The following BANP variants were observed in gnomAD, a reference collection of about 807,000 sequenced individuals.
The protein encoded by BANP is BTG3 associated nuclear protein, also known as protein BANP.
In BANP, 11 loss-of-function variants were observed where a neutral mutation model predicts 68.1. The ratio of observed to expected loss-of-function variants is 0.16; its 90% CI spans 0.10 to 0.27. The LOEUF is 0.27. Ranked by LOEUF, BANP falls within the 10% of genes least tolerant of loss-of-function variation. The pLI, the probability that BANP is intolerant of heterozygous loss-of-function variation, is 1.00. For synonymous variants in BANP, 329 were observed against 303.2 expected (o/e 1.09, Z -0.88); for missense variants, 504 against 722.7 (o/e 0.70, Z 3.47).
At chr16:87,969,758 A>C (rs1484208345) in intron 1 of BANP, among the ~76,000 whole-genome samples, 1 of 151,856 alleles carries the variant, frequency 6.6e-6, no homozygotes, top group Admixed American at 6.6e-5. Context: ...GGTCTCGAAC[A>C]CCTGACCTCT....
At chr16:88,066,732 G>T (rs954958012) in intron 12 of BANP, among the ~76,000 whole-genome samples, 3 of 151,820 alleles carry the variant, frequency 2.0e-5, no homozygotes, top group African/African-American at 7.3e-5. Flanking sequence ...ATTTTGTTCA[G>T]TTTTTTTTTC....
At chr16:87,952,028 T>C (rs1217825116) in intron 1 of BANP, among the ~76,000 whole-genome samples, 1 of 48,082 alleles carries the variant, frequency 2.1e-5, no homozygotes, top group Non-Finnish European at 3.7e-5. Flanking sequence ...CAAGGGGCGC[T>C]CTCGGGGACC....
chr16:87,993,669 CT>C (rs1420894979), intron 4 of BANP, among the ~76,000 whole-genome samples: 8 of 151,396 alleles, frequency 5.3e-5, no homozygotes, highest in Non-Finnish European at 1.0e-4. Context: ...GGGGCGATCT[CT>C]TACTGTAACC....
At chr16:88,006,643 CAAA>C (rs762203875) in intron 6 of BANP, among the ~76,000 whole-genome samples, 2 of 100,210 alleles carry the variant, frequency 2.0e-5, no homozygotes. Flanking sequence ...AACTCCATCT[CAAA>C]AAAAAAAAAA....
intron 7 of BANP, among the ~76,000 whole-genome samples, chr16:88,021,078 C>T (rs1488187409): frequency 6.6e-6 from 1 of 152,204 alleles, no homozygotes; most frequent in Non-Finnish European, 1.5e-5. Flanking sequence ...GTGCTGCCAA[C>T]CTCGATGGGG....
At chr16:88,070,629 G>T (rs2090066109) in intron 12 of BANP, among the ~76,000 whole-genome samples, 1 of 152,142 alleles carries the variant, frequency 6.6e-6, no homozygotes, top group African/African-American at 2.4e-5. Flanking sequence ...GGCACACCTG[G>T]TCTCATCACA....
intron 6 of BANP, among the ~76,000 whole-genome samples, chr16:88,015,183 CTCTGCCCGTGCTCCT>C (rs201769015): frequency 7.0e-6 from 1 of 143,266 alleles, no homozygotes; most frequent in African/African-American, 2.6e-5. Context: ...TGCCTGTGCC[CTCTGCCCGTGCTCCT>C]TCTGCCCATC....
intron 11 of BANP, among the ~76,000 whole-genome samples, chr16:88,048,835 A>G (rs547307614): frequency 6.6e-6 from 1 of 152,304 alleles, no homozygotes; most frequent in South Asian, 2.1e-4. Context: ...ATCGATTCTA[A>G]CAGTGTTCTC....
chr16:87,959,051 C>T (rs1439083385), intron 1 of BANP, among the ~76,000 whole-genome samples: 1 of 152,198 alleles, frequency 6.6e-6, no homozygotes, highest in East Asian at 1.9e-4. Context: ...TGCATGCCCA[C>T]AGGGGTGGAG....
At chr16:87,976,789 A>G (rs1430937381) in intron 2 of BANP, among the ~76,000 whole-genome samples, 1 of 152,194 alleles carries the variant, frequency 6.6e-6, no homozygotes, top group Non-Finnish European at 1.5e-5. Context: ...TCCCAGGGGA[A>G]CACGAAGGCA....
At chr16:87,953,265 AC>A (rs1257468948) in intron 1 of BANP, among the ~76,000 whole-genome samples, 1 of 152,178 alleles carries the variant, frequency 6.6e-6, no homozygotes, top group Non-Finnish European at 1.5e-5. Context: ...TGAAAGACTT[AC>A]AATGAAAAGC....
At chr16:88,051,001 C>T (rs774254205) in intron 11 of BANP, among the ~76,000 whole-genome samples, 76 of 152,222 alleles carry the variant, frequency 5.0e-4, no homozygotes, top group Non-Finnish European at 8.8e-4. Flanking sequence ...TGTTTCTCAT[C>T]TGCTTGCTGG....
rs890171914 is a variant in BANP at position 87,951,444 on chromosome 16, C to G, written c.-140C>G. 6.6e-6 allele frequency: 1 copy of G among 152,044 alleles called. No homozygotes were observed. The highest frequency in any genetic ancestry group is 6.6e-5 in the Admixed American group (1 of 15,226). 9.4% of individuals were successfully genotyped at this position (152,044 alleles called of 1,614,324 possible). On this transcript the variant is annotated 5_prime_UTR_variant, in exon 1 of 14. Coordinates refer to ENST00000682872, the MANE Select transcript of BANP (RefSeq NM_001386991.1). Reference sequence around the variant, plus strand: ...TCGCGGCGCCTGCGCAGAGCGGCGGCTTCTCTCGCGAGGACGGACGCCATT... The same window carrying G: ...TCGCGGCGCCTGCGCAGAGCGGCGGGTTCTCTCGCGAGGACGGACGCCATT...
chr16:88,025,927 G>A (rs1048959745), intron 7 of BANP, among the ~76,000 whole-genome samples: 1 of 152,218 alleles, frequency 6.6e-6, no homozygotes, highest in Admixed American at 6.5e-5. Flanking sequence ...CAGCTAGAGA[G>A]GCCACTGCAT....
At chr16:87,980,422 G>A (rs1274680543) in intron 2 of BANP, 2 of 152,716 alleles carry the variant, frequency 1.3e-5, no homozygotes, top group African/African-American at 2.4e-5. Flanking sequence ...CACTGTGGCT[G>A]CCCTGAGCTG....
chr16:88,055,322 C>T (rs936435407), intron 11 of BANP, among the ~76,000 whole-genome samples: 7 of 151,676 alleles, frequency 4.6e-5, no homozygotes, highest in Admixed American at 3.3e-4. Context: ...AATATGTGTA[C>T]GTACACATGA....
intron 1 of BANP, among the ~76,000 whole-genome samples, chr16:87,953,622 C>CTGTT (rs1004850430): frequency 2.6e-5 from 4 of 152,210 alleles, no homozygotes; most frequent in African/African-American, 9.7e-5. Flanking sequence ...TATGCAAATA[C>CTGTT]TGTTCTCTTC....
chr16:88,049,238 C>G (rs984752327), intron 11 of BANP, among the ~76,000 whole-genome samples: 1 of 152,146 alleles, frequency 6.6e-6, no homozygotes, highest in Non-Finnish European at 1.5e-5. Context: ...TCCCACGACC[C>G]GTCTTTGGGT....
intron 8 of BANP, 105 bp downstream of exon 8, chr16:88,027,755 C>A (rs1403574627): frequency 2.2e-6 from 3 of 1,382,674 alleles, no homozygotes; most frequent in African/African-American, 2.9e-5. Context: ...CCACCAGTGG[C>A]CGGGAGCCGA....
Sources: gnomAD v4.1 joint callset for allele counts (sites outside exome capture counted in the v4.1 genomes callset) on GRCh38, gnomAD v4.1.1 for gene constraint, MANE v1.5 for transcripts, NCBI Gene and HGNC (gene_info 2026-07-23, HGNC 2026-07-21) for gene names.